CEP41: variants seen among roughly 807,000 people sequenced by gnomAD.
CEP41 encodes the protein centrosomal protein 41.
In CEP41, 32 loss-of-function variants were observed where a neutral mutation model predicts 44.3. The observed-to-expected ratio is 0.72, with a 90% CI of 0.54 to 0.97. The LOEUF is 0.97. Among genes scored for constraint, CEP41 ranks in the 50% least tolerant of loss-of-function variants. CEP41 has a pLI of 0.00. For synonymous variants in CEP41, 151 were observed against 168.5 expected (o/e 0.90, Z 0.80); for missense variants, 432 against 455.2 (o/e 0.95, Z 0.46).
intron 2 of CEP41, chr7:130,421,928 C>G (rs1343105503): frequency 3.9e-6 from 6 of 1,534,474 alleles, no homozygotes; most frequent in Non-Finnish European, 4.4e-6. Flanking sequence ...CAAAACGCAG[C>G]CAGGGATTTC....
chr7:130,429,536 A>G (rs1364626865), intron 1 of CEP41, among the ~76,000 whole-genome samples: 1 of 152,244 alleles, frequency 6.6e-6, no homozygotes, highest in Non-Finnish European at 1.5e-5. Flanking sequence ...AATAACAGGT[A>G]GCTGTGGAAC....
chr7:130,419,243 A>G, intron 2 of CEP41: 1 of 985,374 alleles, frequency 1.0e-6, no homozygotes, highest in Non-Finnish European at 1.2e-6. Flanking sequence ...TCTTTTCACT[A>G]TAGACATTCA....
At position 130,396,653 on chromosome 7, in the gene CEP41, A is replaced by G. The variant is rs537034627; in HGVS notation, c.*2238T>C. The G allele has an allele frequency of 2.2e-6, 1 of 454,606 alleles. No individual in the cohort carries two copies. The highest frequency in any genetic ancestry group is 2.3e-5 in the Admixed American group (1 of 42,582). 28.2% of individuals were successfully genotyped at this position (454,606 alleles called of 1,614,324 possible). ...CTGGCAAAGTAGAATGTTAAAAGCAATACCTCGAGCACGTAAAGAATGTTT... is the reference window on the plus strand; with the variant it reads ...CTGGCAAAGTAGAATGTTAAAAGCAGTACCTCGAGCACGTAAAGAATGTTT... On this transcript the variant is annotated 3_prime_UTR_variant, in exon 11 of 11. Transcript: ENST00000223208.
chr7:130,429,330 A>G (rs1314525380), intron 1 of CEP41, among the ~76,000 whole-genome samples: 1 of 148,088 alleles, frequency 6.8e-6, no homozygotes, highest in African/African-American at 2.7e-5. Flanking sequence ...GCAAAAATGC[A>G]TATGTCAGGT....
intron 5 of CEP41, among the ~76,000 whole-genome samples, chr7:130,405,806 A>C (rs573480679): frequency 6.3e-4 from 96 of 152,334 alleles, no homozygotes; most frequent in African/African-American, 2.2e-3. Context: ...TCCTTAAGAA[A>C]CTAGCAGTTG....
At chr7:130,437,309 T>C (rs1340259315) in intron 1 of CEP41, among the ~76,000 whole-genome samples, 1 of 151,914 alleles carries the variant, frequency 6.6e-6, no homozygotes, top group Non-Finnish European at 1.5e-5. Flanking sequence ...CATAAATTTC[T>C]GGTGCCTATC....
chr7:130,397,506 ATTTTTTTTTTTT>A lies in CEP41; in HGVS notation c.*1373_*1384del, dbSNP rs55776575. 884 of 303,628 alleles carry A rather than the reference ATTTTTTTTTTTT, an allele frequency of 2.9e-3. 1 individual carries two copies. Among genetic ancestry groups the A allele is most frequent in the Admixed American group, 4.6e-3 (90 of 19,406 alleles). The allele number at this position is 303,628 out of a possible 1,614,324, so 18.8% of individuals were successfully genotyped here. ...CCCCATGCTAGAAATACTGTGGTGC[ATTTTTTTTTTTT>A]TTTTTTTTTTTTTTTGGTGGCGAGA... On this transcript the variant is annotated 3_prime_UTR_variant, in exon 11 of 11. Coordinates refer to ENST00000223208, the MANE Select transcript of CEP41 (RefSeq NM_018718.3).
rs139615339 is a variant in CEP41, at chr7:130,434,689, G to A, written c.33+6245C>T. Among the ~76,000 whole-genome samples, 45 of 152,234 alleles carry A rather than the reference G, an allele frequency of 3.0e-4. No individual in the cohort carries two copies. The East Asian group carries it at 3.9e-3, about 13-fold the overall frequency. On this transcript the variant is annotated intron_variant, in intron 1 of 10. Coordinates refer to ENST00000223208, the MANE Select transcript of CEP41 (RefSeq NM_018718.3). ...ATAATTTGCATGATAAAAGCAAATC[G>A]TATACAAATAGCATAACACTATTTT... is the stretch of plus-strand genomic sequence containing the variant.
At position 130,397,943 on chromosome 7, in the gene CEP41, C is replaced by A. The variant is rs776934134; in HGVS notation, c.*948G>T. 1 of 454,500 alleles carries A rather than the reference C, an allele frequency of 2.2e-6. No individual in the cohort carries two copies. Among genetic ancestry groups the A allele is most frequent in the East Asian group, 7.0e-5 (1 of 14,386 alleles). 28.2% of individuals were successfully genotyped at this position (454,500 alleles called of 1,614,324 possible). The stretch of plus-strand genomic sequence containing the variant: ...TACTGTATTTCTAAGCAAGGGCTTA[C>A]GAGGTTGTCAGCCCTGACAAAGGAC... On this transcript the variant is annotated 3_prime_UTR_variant, in exon 11 of 11. Transcript: ENST00000223208.
chr7:130,423,904 G>A (rs1214412326), intron 2 of CEP41, among the ~76,000 whole-genome samples: 1 of 152,160 alleles, frequency 6.6e-6, no homozygotes, highest in Non-Finnish European at 1.5e-5. Flanking sequence ...GAAATGTTCA[G>A]AATAGCCAAA....
At chr7:130,400,413 T>C (rs549463663) in intron 9 of CEP41, 159 bp from the exon 10 acceptor site, 2 of 682,916 alleles carry the variant, frequency 2.9e-6, no homozygotes, top group Admixed American at 4.4e-5. Context: ...AAGCAAATTA[T>C]ACCAGAAAAT....
chr7:130,440,340 G>A (rs1554427245), intron 1 of CEP41, among the ~76,000 whole-genome samples: 1 of 152,150 alleles, frequency 6.6e-6, no homozygotes, highest in African/African-American at 2.4e-5. Context: ...TTTATTAAAG[G>A]GCAGAGGCCT....
intron 10 of CEP41, chr7:130,399,488 C>T (rs1352814170): frequency 1.3e-5 from 3 of 229,038 alleles, no homozygotes; most frequent in African/African-American, 6.9e-5. Context: ...ATGCTTAACT[C>T]CTCAATTTTA....
chr7:130,401,748 A>G (rs1554416976), intron 8 of CEP41, 133 bp downstream of exon 8: 1 of 656,786 alleles, frequency 1.5e-6, no homozygotes, highest in Non-Finnish European at 2.8e-6. Context: ...CTAGGAATCC[A>G]AATTCTAAAA....
chr7:130,419,810 G>A (rs1162265318), intron 2 of CEP41: 21 of 985,074 alleles, frequency 2.1e-5, no homozygotes, highest in South Asian at 4.7e-5. Context: ...CCACATACTC[G>A]TAAGAGCTCA....
intron 2 of CEP41, chr7:130,420,863 A>C: frequency 1.1e-6 from 1 of 894,564 alleles, no homozygotes; most frequent in Non-Finnish European, 1.3e-6. Flanking sequence ...CCTTATAATG[A>C]GTTATTTTAT....
At chr7:130,419,372 T>C (rs1797430330) in intron 2 of CEP41, 3 of 985,294 alleles carry the variant, frequency 3.0e-6, no homozygotes, top group Non-Finnish European at 3.6e-6. Context: ...TGAGAAAGTA[T>C]GAAAAGTAGC....
intron 2 of CEP41, chr7:130,421,006 C>T (rs1797491704): frequency 2.0e-6 from 2 of 980,132 alleles, no homozygotes; most frequent in African/African-American, 3.5e-5. Context: ...ACTTAAGCAA[C>T]CTATAAATGT....
At chr7:130,414,490 C>G (rs1554420461) in intron 3 of CEP41, among the ~76,000 whole-genome samples, 1 of 152,194 alleles carries the variant, frequency 6.6e-6, no homozygotes, top group Non-Finnish European at 1.5e-5. Flanking sequence ...CACTGATATT[C>G]TTTTGGTATG....
Sources: gnomAD v4.1 joint callset for allele counts (sites outside exome capture counted in the v4.1 genomes callset) on GRCh38, gnomAD v4.1.1 for gene constraint, MANE v1.5 for transcripts, NCBI Gene and HGNC (gene_info 2026-07-23, HGNC 2026-07-21) for gene names.